SLC16A7: variants seen among roughly 807,000 people sequenced by gnomAD.
SLC16A7 encodes monocarboxylate transporter 2.
SLC16A7 carries 33 observed loss-of-function variants against 34.9 expected under a neutral mutation model. The observed-to-expected ratio is 0.94, with a 90% CI of 0.72 to 1.26. The LOEUF (loss-of-function observed/expected upper bound fraction) is 1.26, where lower values mean the gene tolerates loss of function less well. SLC16A7 is among the 50% of genes most tolerant of loss of function. The pLI is 0.00. For missense variants in SLC16A7, 573 were observed against 578.1 expected (o/e 0.99, Z 0.09); for synonymous variants, 201 against 206.6 (o/e 0.97, Z 0.23).
chr12:59,602,040 C>T (rs1458946896), intron 1 of SLC16A7, among the ~76,000 whole-genome samples: 9 of 152,100 alleles, frequency 5.9e-5, no homozygotes. Context: ...TTTTAATATA[C>T]CTGTGGTGGA....
intron 3 of SLC16A7, among the ~76,000 whole-genome samples, chr12:59,748,342 T>C (rs1879122250): frequency 2.6e-5 from 4 of 152,300 alleles, no homozygotes; most frequent in Middle Eastern, 3.4e-3. Context: ...TGCCTGAAAT[T>C]AACTGTAATA....
chr12:59,698,147 G>A (rs1249728250), intron 2 of SLC16A7, among the ~76,000 whole-genome samples: 1 of 151,630 alleles, frequency 6.6e-6, no homozygotes, highest in African/African-American at 2.4e-5. Flanking sequence ...TATAAGAAAA[G>A]TACTTATTAC....
At chr12:59,765,331 G>C (rs1881482608) in intron 3 of SLC16A7, among the ~76,000 whole-genome samples, 1 of 152,106 alleles carries the variant, frequency 6.6e-6, no homozygotes, top group Admixed American at 6.5e-5. Context: ...AAGCTCTTTA[G>C]TTTAATTAGA....
At position 59,757,249 on chromosome 12, in the gene SLC16A7, A is replaced by C. The variant is rs1880473826; in HGVS notation, c.218-13970A>C. 2.7e-5 allele frequency among the ~76,000 whole-genome samples: 4 copies of C among 149,856 alleles called. No homozygotes were observed. In the South Asian group the frequency reaches 8.6e-4, roughly 32 times the overall value. ...TGTGCACATGTACCCCAAAACTTAAAGTATAATAATAATAAAATAAAATAA... is the reference window on the plus strand; with the variant it reads ...TGTGCACATGTACCCCAAAACTTAACGTATAATAATAATAAAATAAAATAA... On this transcript the variant is annotated intron_variant, in intron 3 of 5. Transcript: ENST00000547379.
chr12:59,783,384 C>G lies in SLC16A7; in HGVS notation c.*3705C>G, dbSNP rs1163549570. 1 of 152,030 alleles carries G rather than the reference C, an allele frequency of 6.6e-6. No individual in the cohort carries two copies. Among genetic ancestry groups the G allele is most frequent in the Non-Finnish European group, 1.5e-5 (1 of 67,990 alleles). The allele number at this position is 152,030 out of a possible 1,614,324, so 9.4% of individuals were successfully genotyped here. A position where few individuals can be genotyped will look rare whatever the true frequency, so the allele number is the denominator to read the frequency against. On this transcript the variant is annotated 3_prime_UTR_variant, in exon 6 of 6. Transcript: ENST00000547379. ...CAGATGAGTGAAAACAAAAAACAAG[C>G]TCAGCAGACTACCCAAAGTTAAAAG...
intron 2 of SLC16A7, chr12:59,689,238 TC>T (rs1272430972): frequency 6.6e-6 from 1 of 152,040 alleles, no homozygotes; most frequent in African/African-American, 2.4e-5. Flanking sequence ...AGATTAGTTT[TC>T]CCATATTATG....
chr12:59,701,610 G>A (rs1219208384), intron 2 of SLC16A7, among the ~76,000 whole-genome samples: 1 of 150,556 alleles, frequency 6.6e-6, no homozygotes, highest in Non-Finnish European at 1.5e-5. Context: ...TAAATGCTGG[G>A]AAAATTCTAA....
intron 3 of SLC16A7, among the ~76,000 whole-genome samples, chr12:59,754,360 C>G (rs939641223): frequency 6.6e-6 from 1 of 151,766 alleles, no homozygotes; most frequent in Non-Finnish European, 1.5e-5. Flanking sequence ...AGACTGCTAG[C>G]AAGACTAATA....
chr12:59,754,961 A>T (rs1197349093), intron 3 of SLC16A7, among the ~76,000 whole-genome samples: 1 of 152,250 alleles, frequency 6.6e-6, no homozygotes, highest in Non-Finnish European at 1.5e-5. Context: ...ATATACGCAA[A>T]CCAATAAATG....
At chr12:59,762,217 T>C (rs1273275654) in intron 3 of SLC16A7, among the ~76,000 whole-genome samples, 1 of 152,138 alleles carries the variant, frequency 6.6e-6, no homozygotes, top group Non-Finnish European at 1.5e-5. Context: ...TTTACAATTT[T>C]CGTGTCATAA....
intron 2 of SLC16A7, among the ~76,000 whole-genome samples, chr12:59,699,542 G>A (rs1872658787): frequency 1.3e-5 from 2 of 151,666 alleles, no homozygotes; most frequent in Non-Finnish European, 3.0e-5. Flanking sequence ...CAGTATCTCT[G>A]AAGAATTATT....
chr12:59,656,402 C>T lies in SLC16A7; in HGVS notation c.-31+1152C>T, dbSNP rs140133267. On this transcript the variant is annotated intron_variant, in intron 2 of 5. Coordinates refer to ENST00000547379, the MANE Select transcript of SLC16A7 (RefSeq NM_001270623.2). ...ATCCTTATAAATGAAAGAGAGAAGGCAGCAGGAAAGATGCTCAGTCCAACC... is the reference window on the plus strand; with the variant it reads ...ATCCTTATAAATGAAAGAGAGAAGGTAGCAGGAAAGATGCTCAGTCCAACC... Among the ~76,000 whole-genome samples, 492 of 152,042 alleles carry T rather than the reference C, an allele frequency of 3.2e-3. 1 individual carries two copies. The highest frequency in any genetic ancestry group is 5.2e-3 in the Non-Finnish European group (354 of 67,906).
intron 3 of SLC16A7, among the ~76,000 whole-genome samples, chr12:59,709,184 T>C (rs1873933356): frequency 6.6e-6 from 1 of 151,700 alleles, no homozygotes; most frequent in Admixed American, 6.6e-5. Flanking sequence ...GGACTGCCAG[T>C]TTCTGTGAGT....
intron 3 of SLC16A7, among the ~76,000 whole-genome samples, chr12:59,740,641 A>T (rs1032477434): frequency 1.3e-5 from 2 of 152,160 alleles, no homozygotes; most frequent in Non-Finnish European, 2.9e-5. Context: ...TTCTCTTTGA[A>T]AACTGGCACA....
intron 3 of SLC16A7, among the ~76,000 whole-genome samples, chr12:59,714,549 T>TTTTC (rs1565667902): frequency 6.6e-6 from 1 of 150,492 alleles, no homozygotes; most frequent in Non-Finnish European, 1.5e-5. Context: ...CCTGGTGTCT[T>TTTTC]TCTCTCTCTC....
At position 59,704,961 on chromosome 12, in the gene SLC16A7, A is replaced by T. The variant is rs1286294776; in HGVS notation, c.160A>T (p.Thr54Ser). The T allele has an allele frequency of 1.9e-6, 3 of 1,613,670 alleles. No individual in the cohort carries two copies. The highest frequency in any genetic ancestry group is 2.5e-6 in the Non-Finnish European group (3 of 1,179,682). The stretch of plus-strand genomic sequence containing the variant: ...AGAAATTCAGCAAATATTCCACACT[A>T]CCTACAGTGAAATAGCATGGATTTC... ...FKEIQQIFHT[T>S]YSEIAWISSI... is the part of the protein sequence containing the mutation. The change falls in exon 3 of 6, where the codon ACC becomes TCC. Residue 54 changes from threonine to serine, a missense_variant. By Grantham distance (58) the Thr-to-Ser change is moderately conservative (BLOSUM62 1). Transcript: ENST00000547379.
chr12:59,613,936 T>C (rs920049365), intron 1 of SLC16A7, among the ~76,000 whole-genome samples: 1 of 152,154 alleles, frequency 6.6e-6, no homozygotes, highest in Non-Finnish European at 1.5e-5. Flanking sequence ...ATGCTAAGAT[T>C]ATGAACAGTA....
intron 3 of SLC16A7, among the ~76,000 whole-genome samples, chr12:59,708,310 C>G (rs1162530905): frequency 2.0e-5 from 3 of 152,072 alleles, no homozygotes; most frequent in Non-Finnish European, 4.4e-5. Flanking sequence ...CCCAAATCCC[C>G]TTTTATCAGG....
chr12:59,703,931 G>T (rs117568272), intron 2 of SLC16A7, among the ~76,000 whole-genome samples: 1 of 151,848 alleles, frequency 6.6e-6, no homozygotes, highest in South Asian at 2.1e-4. Context: ...GCTGGATGCG[G>T]TGGCTCACAC....
Sources: allele counts gnomAD v4.1 joint callset (sites outside exome capture counted in the v4.1 genomes callset), GRCh38; gene constraint gnomAD v4.1.1; transcripts MANE v1.5; gene names NCBI Gene and HGNC (gene_info 2026-07-23, HGNC 2026-07-21).